The following GRIN2D variants were observed in gnomAD, a reference collection of about 807,000 sequenced individuals.
GRIN2D encodes the protein glutamate ionotropic receptor NMDA type subunit 2D.
In GRIN2D, 37 loss-of-function variants were observed where a neutral mutation model predicts 103.2. The observed-to-expected ratio is 0.36, with a 90% confidence interval of 0.28 to 0.47. The LOEUF is 0.47. Among genes scored for constraint, GRIN2D ranks in the 20% least tolerant of loss-of-function variants. The pLI is 1.00. For missense variants in GRIN2D, 1,557 were observed against 1,910.6 expected (o/e 0.81, Z 3.45); for synonymous variants, 845 against 885.6 (o/e 0.95, Z 0.81).
rs947983076 is a variant in GRIN2D, at chr19:48,394,641, C to A, written c.-305-17C>A. Among the ~76,000 whole-genome samples the A allele has an allele frequency of 6.6e-6, 1 of 152,128 alleles. No individual in the cohort carries two copies. Among genetic ancestry groups the A allele is most frequent in the Non-Finnish European group, 1.5e-5 (1 of 68,010 alleles). ...ACACCCCGACAGCCTCTGCAATGTC[C>A]GGGGCCCAACTTCCAGAGCAACATG... On this transcript the variant is annotated splice_polypyrimidine_tract_variant and intron_variant, in intron 1 of 13. Transcript: ENST00000263269. This position sits in a 1 kb window ranked among gnomAD's most constrained non-coding sequence, Gnocchi z 5.1.
chr19:48,436,137 C>T (rs191192169), intron 11 of GRIN2D, among the ~76,000 whole-genome samples: 72 of 152,260 alleles, frequency 4.7e-4, no homozygotes, highest in Admixed American at 1.8e-3. Context: ...GAGTCATTCA[C>T]GCAGAGCCGG....
chr19:48,408,063 G>A (rs1340932782), intron 4 of GRIN2D, among the ~76,000 whole-genome samples: 3 of 152,064 alleles, frequency 2.0e-5, no homozygotes, highest in Admixed American at 2.0e-4. Context: ...GGCCGGGCGT[G>A]GTGGCTCACA....
At chr19:48,402,723 CAAAAAAAAAAAAA>C (rs773669453) in intron 3 of GRIN2D, among the ~76,000 whole-genome samples, 1 of 43,126 alleles carries the variant, frequency 2.3e-5, no homozygotes, top group Non-Finnish European at 4.2e-5. Flanking sequence ...GACTCCGTCT[CAAAAAAAAAAAAA>C]AAAAAAAAAA....
chr19:48,420,752 G>A (rs557546703), intron 10 of GRIN2D, among the ~76,000 whole-genome samples: 30 of 152,242 alleles, frequency 2.0e-4, no homozygotes, highest in African/African-American at 7.0e-4. Flanking sequence ...CTTGAACCCG[G>A]GAGGCGGAGG....
In GRIN2D at chr19:48,393,981, G is replaced by A. The variant is rs1970597476; in HGVS notation, c.-306+113G>A. 6.6e-6 allele frequency among the ~76,000 whole-genome samples: 1 copy of A among 151,912 alleles called. No homozygotes were observed. The highest frequency in any genetic ancestry group is 1.5e-5 in the Non-Finnish European group (1 of 67,958). On this transcript the variant is annotated intron_variant, in intron 1 of 13. Transcript: ENST00000263269. The surrounding 1 kb of genome is among the most constrained non-coding windows in gnomAD (Gnocchi z 5.6). ...GTCTGTCTGTCTGTACCGACCCTGA[G>A]CTGCCTGCCTGGGTGTCGTGGGGCT...
intron 3 of GRIN2D, among the ~76,000 whole-genome samples, chr19:48,402,590 G>A (rs966620894): frequency 6.6e-6 from 1 of 151,370 alleles, no homozygotes; most frequent in Non-Finnish European, 1.5e-5. Context: ...AGTGGCGGGC[G>A]CCTGTAGTCC....
At chr19:48,419,427 C>T in intron 9 of GRIN2D, 68 bp downstream of exon 9, 3 of 1,544,710 alleles carry the variant, frequency 1.9e-6, no homozygotes, top group Non-Finnish European at 2.6e-6. Context: ...ACTACATTTC[C>T]CAGCAGCCCC....
chr19:48,395,445 C>T (rs947667551), intron 2 of GRIN2D, among the ~76,000 whole-genome samples: 1 of 152,074 alleles, frequency 6.6e-6, no homozygotes, highest in African/African-American at 2.4e-5. Context: ...CTGGAACACC[C>T]TTCCAGCCTC....
intron 11 of GRIN2D, among the ~76,000 whole-genome samples, chr19:48,428,390 C>CA (rs1971115122): frequency 8.0e-6 from 1 of 125,700 alleles, no homozygotes. Context: ...GACGGACTTT[C>CA]ACTCTTGTTG....
chr19:48,444,088 T>C lies in GRIN2D; in HGVS notation c.*151T>C. ...AGCAGCGTCCTGCGCCCCCTGGTTCTGGAGGAACCGCAAGCCGGAGAGGAT... is the reference window on the plus strand; with the variant it reads ...AGCAGCGTCCTGCGCCCCCTGGTTCCGGAGGAACCGCAAGCCGGAGAGGAT... On this transcript the variant is annotated 3_prime_UTR_variant, in exon 14 of 14. Transcript: ENST00000263269. This position sits in a 1 kb window ranked among gnomAD's most constrained non-coding sequence, Gnocchi z 5.5. 1 of 473,050 alleles carries C rather than the reference T, an allele frequency of 2.1e-6. No individual in the cohort carries two copies. The highest frequency in any genetic ancestry group is 3.6e-6 in the Non-Finnish European group (1 of 279,000). The allele number at this position is 473,050 out of a possible 1,614,324, so 29.3% of individuals were successfully genotyped here.
intron 10 of GRIN2D, among the ~76,000 whole-genome samples, chr19:48,420,273 A>G (rs866331879): frequency 1.3e-4 from 20 of 151,706 alleles, no homozygotes; most frequent in Middle Eastern, 3.2e-3. Context: ...CTAAAAGTAC[A>G]TAAAATTAGC....
rs1398277352 is a variant in GRIN2D at position 48,414,396 on chromosome 19, G to T, written c.1224G>T (p.Thr408=). The change falls in exon 6 of 14, where the codon ACG becomes ACT. Residue 408 remains threonine (T), a synonymous_variant. Transcript: ENST00000263269. The surrounding 1 kb of genome is among the most constrained non-coding windows in gnomAD (Gnocchi z 4.6). ...AGGTGGGCAGCTGGGAGCAGCAGACGCTCCGCCTCAAGTACCCGCTGTGGT... is the reference window on the plus strand; with the variant it reads ...AGGTGGGCAGCTGGGAGCAGCAGACTCTCCGCCTCAAGTACCCGCTGTGGT... ...WEVVGSWEQQ[T]LRLKYPLWSR... 2 of 1,607,960 alleles carry T rather than the reference G, an allele frequency of 1.2e-6. No homozygotes were observed. Among genetic ancestry groups the T allele is most frequent in the African/African-American group, 2.7e-5 (2 of 74,848 alleles).
rs180684945 is a variant in GRIN2D at position 48,416,769 on chromosome 19, C to T, written c.1735+614C>T. Among the ~76,000 whole-genome samples the T allele has an allele frequency of 5.1e-3, 737 of 145,592 alleles. 2 individuals are homozygous for T. Among genetic ancestry groups the T allele is most frequent in the Middle Eastern group, 0.014 (4 of 276 alleles). Reference sequence around the variant, plus strand: ...TCTTTTTTTTTTTTTCAGACAGAGTCTCACTCTGTCGCCCAGGCTGGAATG... The same window carrying T: ...TCTTTTTTTTTTTTTCAGACAGAGTTTCACTCTGTCGCCCAGGCTGGAATG... On this transcript the variant is annotated intron_variant, in intron 8 of 13. Transcript: ENST00000263269.
In GRIN2D at chr19:48,405,205, C is replaced by T. The variant is rs373524397; in HGVS notation, c.937C>T (p.Arg313Trp). The T allele has an allele frequency of 5.6e-6, 9 of 1,602,796 alleles. No individual in the cohort carries two copies. In the African/African-American group the frequency reaches 9.4e-5, roughly 17 times the overall value. Residue 313 changes from arginine (R) to tryptophan (W), a missense_variant, in exon 4 of 14, where the codon CGG becomes TGG. This residue lies in a region of GRIN2D where 490 missense variants were observed against 601.1 expected (regional missense o/e 0.82). Coordinates refer to ENST00000263269, the MANE Select transcript of GRIN2D (RefSeq NM_000836.4). This position sits in a 1 kb window ranked among gnomAD's most constrained non-coding sequence, Gnocchi z 5.1. The part of the protein sequence containing the change: ...GLFAVRSAGW[R>W]DDLARRVAAG... Reference sequence around the variant, plus strand: ...GTTTGCAGTGCGCTCGGCTGGCTGGCGGGATGACCTGGCTCGGCGAGTGGC... The same window carrying T: ...GTTTGCAGTGCGCTCGGCTGGCTGGTGGGATGACCTGGCTCGGCGAGTGGC...
intron 7 of GRIN2D, 134 bp from the exon 8 acceptor site, chr19:48,415,868 C>T (rs762710286): frequency 3.1e-5 from 23 of 741,236 alleles, no homozygotes; most frequent in Non-Finnish European, 5.0e-5. Context: ...CCTCACCCAC[C>T]TCGCAATCCC....
chr19:48,440,620 A>G (rs972935279), intron 11 of GRIN2D, among the ~76,000 whole-genome samples: 1 of 152,032 alleles, frequency 6.6e-6, no homozygotes, highest in African/African-American at 2.4e-5. Context: ...GTGTCCTTAG[A>G]CTAGATAGAA....
chr19:48,400,381 C>G (rs1006302278), intron 3 of GRIN2D, among the ~76,000 whole-genome samples: 12 of 152,190 alleles, frequency 7.9e-5, no homozygotes, highest in Non-Finnish European at 1.8e-4. Flanking sequence ...GGCTCGTAGT[C>G]CTCTCCTGTC....
rs534483906 is a variant in GRIN2D at position 48,441,289 on chromosome 19, G to A, written c.2253-480G>A. ...GAGGCAGGAGAATCGCTTGAACCCA[G>A]GAGTCGGATCTTGCAGTGAGCCGAG... On this transcript the variant is annotated intron_variant, in intron 11 of 13. Coordinates refer to ENST00000263269, the MANE Select transcript of GRIN2D (RefSeq NM_000836.4). Among the ~76,000 whole-genome samples the A allele has an allele frequency of 9.9e-4, 149 of 150,674 alleles. 1 individual carries two copies. The highest frequency in any genetic ancestry group is 3.2e-3 in the African/African-American group (129 of 40,838).
At chr19:48,426,376 C>T (rs1688679528) in intron 11 of GRIN2D, among the ~76,000 whole-genome samples, 1 of 151,318 alleles carries the variant, frequency 6.6e-6, no homozygotes, top group Non-Finnish European at 1.5e-5. Flanking sequence ...CAGGCGCCTG[C>T]CACCACGCCC....
Sources: gnomAD v4.1 joint callset for allele counts (sites outside exome capture counted in the v4.1 genomes callset) on GRCh38, gnomAD v4.1.1 for gene constraint, gnomAD v4.1.1 regional missense constraint, Gnocchi (gnomAD v3.1) non-coding constraint, MANE v1.5 for transcripts, NCBI Gene and HGNC (gene_info 2026-07-23, HGNC 2026-07-21) for gene names.